The following SLF1 variants were observed in gnomAD, a reference collection of about 807,000 sequenced individuals.
The protein encoded by SLF1 is SMC5/6 complex localization factor 1.
In SLF1, 105 loss-of-function variants were observed where a neutral mutation model predicts 123.0. The observed-to-expected ratio is 0.85, with a 90% CI of 0.73 to 1.00. SLF1 has a LOEUF of 1.00. Among genes scored for constraint, SLF1 ranks in the 50% least tolerant of loss-of-function variants. The pLI, the probability that SLF1 is intolerant of heterozygous loss-of-function variation, is 0.00. For missense variants in SLF1, 1,239 were observed against 1,223.0 expected (o/e 1.01, Z -0.20); for synonymous variants, 434 against 406.6 (o/e 1.07, Z -0.81).
Position 94,689,512 on chromosome 5 carries a change from A to T in SLF1, c.2325A>T (p.Lys775Asn). ...CTAAATGTTCCTCATCATTAAAAAA[A>T]TTGAAAAAGAAGTCAGAAGGAGAAT... ...NLAKCSSSLKKLKKKSEGELS... is the reference protein window; with the variant it reads ...NLAKCSSSLKNLKKKSEGELS... The change falls in exon 18 of 21, where the codon AAA (lysine) becomes AAT (asparagine). Residue 775 changes from lysine to asparagine, a missense_variant. Coordinates refer to ENST00000265140, the MANE Select transcript of SLF1 (RefSeq NM_032290.4). The T allele has an allele frequency of 6.2e-7, 1 of 1,612,828 alleles. No homozygotes were observed. Among genetic ancestry groups the T allele is most frequent in the Non-Finnish European group, 8.5e-7 (1 of 1,179,202 alleles).
chr5:94,684,506 G>A (rs1390304844), intron 15 of SLF1, among the ~76,000 whole-genome samples: 2 of 151,922 alleles, frequency 1.3e-5, no homozygotes, highest in African/African-American at 4.8e-5. Flanking sequence ...AGACCATCCT[G>A]GCTAACACGG....
intron 1 of SLF1, among the ~76,000 whole-genome samples, chr5:94,621,669 A>G (rs1337781481): frequency 1.3e-5 from 2 of 152,146 alleles, no homozygotes; most frequent in East Asian, 1.9e-4. Context: ...TGCCTTGTAC[A>G]GTACTGGATA....
chr5:94,635,704 C>G (rs576160228), intron 4 of SLF1, among the ~76,000 whole-genome samples: 4 of 152,012 alleles, frequency 2.6e-5, no homozygotes, highest in African/African-American at 7.2e-5. Context: ...CACATTTACT[C>G]TCCCCCATTT....
At chr5:94,659,104 C>T (rs1414748362) in intron 9 of SLF1, among the ~76,000 whole-genome samples, 1 of 136,576 alleles carries the variant, frequency 7.3e-6, no homozygotes, top group Non-Finnish European at 1.6e-5. Context: ...GTTTCTTTTG[C>T]TTGATCTAGT....
intron 4 of SLF1, among the ~76,000 whole-genome samples, chr5:94,634,818 A>G (rs912576714): frequency 2.6e-5 from 4 of 152,170 alleles, no homozygotes; most frequent in African/African-American, 9.6e-5. Flanking sequence ...GAGCATTTAA[A>G]AATTTATCTG....
intron 14 of SLF1, among the ~76,000 whole-genome samples, chr5:94,674,152 T>C (rs561093070): frequency 4.8e-4 from 73 of 152,310 alleles, no homozygotes; most frequent in Non-Finnish European, 8.2e-4. Flanking sequence ...TTCTTCATTA[T>C]AGAACGTTTC....
At chr5:94,660,740 G>A (rs1445503384) in intron 9 of SLF1, among the ~76,000 whole-genome samples, 1 of 152,200 alleles carries the variant, frequency 6.6e-6, no homozygotes, top group Non-Finnish European at 1.5e-5. Flanking sequence ...ACATGCAAGT[G>A]CATGACGACG....
In SLF1 at chr5:94,692,124, G is replaced by A; in HGVS notation, c.2563G>A (p.Val855Met). The change falls in exon 20 of 21, where the codon GTG (valine) becomes ATG (methionine). Residue 855 changes from valine to methionine, a missense_variant. Transcript: ENST00000265140. ...LHEACNYGNTVCVQEILQRCP... is the reference protein window; with the variant it reads ...LHEACNYGNTMCVQEILQRCP... Reference sequence around the variant, plus strand: ...TGAAGCCTGTAACTATGGCAACACAGTGTGTGTCCAGGAAATTTTGCAACG... The same window carrying A: ...TGAAGCCTGTAACTATGGCAACACAATGTGTGTCCAGGAAATTTTGCAACG... 6.2e-7 allele frequency: 1 copy of A among 1,613,842 alleles called. No homozygotes were observed. Among genetic ancestry groups the A allele is most frequent in the South Asian group, 1.1e-5 (1 of 91,080 alleles).
chr5:94,692,912 T>C (rs1350367108), intron 20 of SLF1, among the ~76,000 whole-genome samples: 1 of 152,164 alleles, frequency 6.6e-6, no homozygotes, highest in Non-Finnish European at 1.5e-5. Context: ...GTCATTCTTC[T>C]TATATCTAAA....
chr5:94,637,721 G>A (rs1302161930), intron 4 of SLF1, among the ~76,000 whole-genome samples: 2 of 152,104 alleles, frequency 1.3e-5, no homozygotes, highest in Admixed American at 6.6e-5. Context: ...ACTGTGGTTA[G>A]CATCTCGTTC....
At chr5:94,670,354 TTATAAA>T in intron 13 of SLF1, 75 bp downstream of exon 13, 2 of 1,108,746 alleles carry the variant, frequency 1.8e-6, no homozygotes, top group Non-Finnish European at 2.5e-6. Flanking sequence ...TTTACAATTA[TTATAAA>T]TATATTTCTA....
intron 14 of SLF1, among the ~76,000 whole-genome samples, chr5:94,674,203 TTATAATTTA>T (rs2152491510): frequency 6.6e-6 from 1 of 152,302 alleles, no homozygotes; most frequent in African/African-American, 2.4e-5. Context: ...AATTGCTCAT[TTATAATTTA>T]AAACAATAAA....
rs901716153 is a variant in SLF1, at chr5:94,678,839, C to G, written c.1859C>G (p.Ala620Gly). Residue 620 changes from alanine (A) to glycine (G), a missense_variant, in exon 15 of 21, where the codon GCT (alanine) becomes GGT (glycine). By Grantham distance (60) the Ala-to-Gly change is moderately conservative. Coordinates refer to ENST00000265140, the MANE Select transcript of SLF1 (RefSeq NM_032290.4). ...VFKHELAYLL[A>G]GILGAAIDYW... ...AAACATGAACTAGCTTACTTATTGG[C>G]TGGAATTCTTGGAGCAGCAATAGAT... The G allele has an allele frequency of 1.9e-6, 3 of 1,613,058 alleles. No individual in the cohort carries two copies. Among genetic ancestry groups the G allele is most frequent in the African/African-American group, 1.3e-5 (1 of 74,848 alleles).
In SLF1 at chr5:94,667,203, G is replaced by A. The variant is rs144753959; in HGVS notation, c.1532+1179G>A. On this transcript the variant is annotated intron_variant, in intron 12 of 20. Coordinates refer to ENST00000265140, the MANE Select transcript of SLF1 (RefSeq NM_032290.4). ...GCCAGACACTGTACTACATTTTAGG[G>A]ATTAAAAAGATGATTTAAATAACAG... is the stretch of plus-strand genomic sequence containing the variant. 2.3e-3 allele frequency among the ~76,000 whole-genome samples: 356 copies of A among 152,116 alleles called. 2 individuals carry two copies. Among genetic ancestry groups the A allele is most frequent in the African/African-American group, 7.9e-3 (326 of 41,496 alleles).
Position 94,689,489 on chromosome 5 carries a change from A to G in SLF1, c.2302A>G (p.Lys768Glu), listed in dbSNP as rs1752835385. Residue 768 changes from lysine (K) to glutamate (E), a missense_variant, in exon 18 of 21, where the codon AAA (lysine) becomes GAA (glutamate). By Grantham distance (56) the Lys-to-Glu change is moderately conservative (BLOSUM62 1). Transcript: ENST00000265140. ...LPELLDLNLA[K>E]CSSSLKKLKK... ...TCCTTTCAGAGACCTGAACCTTGCT[A>G]AATGTTCCTCATCATTAAAAAAATT... The G allele has an allele frequency of 3.1e-6, 5 of 1,612,318 alleles. No homozygotes were observed. Among genetic ancestry groups the G allele is most frequent in the Non-Finnish European group, 4.2e-6 (5 of 1,179,196 alleles).
At chr5:94,672,484 TC>T (rs902527393) in intron 14 of SLF1, among the ~76,000 whole-genome samples, 4 of 151,572 alleles carry the variant, frequency 2.6e-5, no homozygotes, top group Admixed American at 2.6e-4. Flanking sequence ...ATTTCCCCTG[TC>T]CTCCTCTTTC....
chr5:94,694,845 C>G lies in SLF1; in HGVS notation c.2710C>G (p.Gln904Glu), dbSNP rs1381992332. ...LLQHGGPVLL[Q>E]QRNAKGELPL... ...TCTTTTCACAGGCCCAGTGCTTTTA[C>G]AACAGAGGAATGCTAAGGGAGAATT... Residue 904 changes from glutamine to glutamate, a missense_variant, in exon 21 of 21, where the codon CAA becomes GAA. Coordinates refer to ENST00000265140, the MANE Select transcript of SLF1 (RefSeq NM_032290.4). The G allele has an allele frequency of 1.3e-6, 2 of 1,572,892 alleles. No individual in the cohort carries two copies. The highest frequency in any genetic ancestry group is 1.4e-5 in the African/African-American group (1 of 72,784).
chr5:94,637,577 A>G (rs911048892), intron 4 of SLF1, among the ~76,000 whole-genome samples: 3 of 152,030 alleles, frequency 2.0e-5, no homozygotes, highest in African/African-American at 4.8e-5. Context: ...CCTAACTGCT[A>G]TGCTTAGTAC....
At chr5:94,635,058 CTG>C (rs1267920001) in intron 4 of SLF1, among the ~76,000 whole-genome samples, 1 of 152,088 alleles carries the variant, frequency 6.6e-6, no homozygotes, top group African/African-American at 2.4e-5. Flanking sequence ...CCTCACTTTC[CTG>C]TTTTTGTTTT....
Sources: gnomAD v4.1 joint callset for allele counts (sites outside exome capture counted in the v4.1 genomes callset) on GRCh38, gnomAD v4.1.1 for gene constraint, MANE v1.5 for transcripts, NCBI Gene and HGNC (gene_info 2026-07-23, HGNC 2026-07-21) for gene names.